Variants in REPS2 observed in about 807,000 individuals in gnomAD.
The protein encoded by REPS2 is RALBP1 associated Eps domain containing 2.
In REPS2, 23 loss-of-function variants were observed where a neutral mutation model predicts 53.6. The observed-to-expected ratio is 0.43, with a 90% CI of 0.31 to 0.61. The LOEUF is 0.61. REPS2 is among the 20% of genes least tolerant of loss of function. The pLI is 0.11. For synonymous variants in REPS2, 238 were observed against 218.6 expected (o/e 1.09, Z -0.78); for missense variants, 446 against 534.9 (o/e 0.83, Z 1.64).
chrX:17,130,899 T>C (rs771210769), intron 14 of REPS2, among the ~76,000 whole-genome samples: 9 of 112,180 alleles, frequency 8.0e-5, no homozygotes, highest in African/African-American at 2.9e-4. Context: ...GCTGTGATGA[T>C]GAATTGCAAT....
chrX:17,003,106 C>T (rs1430672293), intron 1 of REPS2, among the ~76,000 whole-genome samples: 1 of 111,420 alleles, frequency 9.0e-6, no homozygotes, highest in Non-Finnish European at 1.9e-5. Context: ...TAAGAATATA[C>T]CCTCGCTTTC....
intron 10 of REPS2, among the ~76,000 whole-genome samples, chrX:17,069,466 A>G (rs2062274016): frequency 1.8e-5 from 2 of 112,349 alleles, no homozygotes; most frequent in Non-Finnish European, 3.8e-5. Context: ...TTCTCTATTT[A>G]AATACTTGCT....
intron 1 of REPS2, among the ~76,000 whole-genome samples, chrX:16,963,249 T>C (rs2147644657): frequency 8.9e-6 from 1 of 112,762 alleles, no homozygotes; most frequent in East Asian, 2.8e-4. Context: ...TAAGGCTCTA[T>C]TGAGCAAACC....
In REPS2 at chrX:17,006,346, T is replaced by C; in HGVS notation, c.397+2T>C. ...TACGGATAGAGAGTATTAAATGTGG[T>C]GAGTATCTCACATTTGTATGTTTTA... On this transcript the variant is annotated splice_donor_variant, in intron 2 of 17. Coordinates refer to ENST00000357277, the MANE Select transcript of REPS2 (RefSeq NM_004726.3). LOFTEE classifies it high-confidence loss of function. 8.3e-7 allele frequency: 1 copy of C among 1,206,557 alleles called. No homozygotes were observed. The highest frequency in any genetic ancestry group is 1.1e-6 in the Non-Finnish European group (1 of 891,423).
At chrX:16,959,104 T>C (rs2060630077) in intron 1 of REPS2, among the ~76,000 whole-genome samples, 1 of 111,986 alleles carries the variant, frequency 8.9e-6, no homozygotes, top group Non-Finnish European at 1.9e-5. Context: ...GTGTGTATAC[T>C]TTTATTTATT....
intron 5 of REPS2, among the ~76,000 whole-genome samples, chrX:17,042,331 C>T (rs2061841343): frequency 1.8e-5 from 2 of 111,606 alleles, no homozygotes; most frequent in South Asian, 7.4e-4. Context: ...AAAGCTAAGG[C>T]TCCACAGCTT....
At chrX:17,144,412 G>A (rs934696147) in intron 17 of REPS2, among the ~76,000 whole-genome samples, 1 of 112,640 alleles carries the variant, frequency 8.9e-6, no homozygotes, top group East Asian at 2.8e-4. Flanking sequence ...CTCCCCTTAT[G>A]TACTCCCACT....
intron 1 of REPS2, among the ~76,000 whole-genome samples, chrX:16,968,476 AC>A (rs1370257115): frequency 2.7e-4 from 11 of 41,219 alleles, no homozygotes; most frequent in African/African-American, 8.8e-4. Context: ...GGGGGCTGAC[AC>A]CCCCACCTCC....
At chrX:17,030,520 G>A (rs762943726) in intron 5 of REPS2, among the ~76,000 whole-genome samples, 23 of 111,815 alleles carry the variant, frequency 2.1e-4, no homozygotes, top group African/African-American at 6.8e-4. Flanking sequence ...GTTGGAATAG[G>A]ATAAACAAAG....
At chrX:17,003,254 C>T (rs2061327268) in intron 1 of REPS2, among the ~76,000 whole-genome samples, 1 of 111,651 alleles carries the variant, frequency 9.0e-6, no homozygotes, top group South Asian at 3.7e-4. Flanking sequence ...AGAGAACATG[C>T]CATGTGGAAT....
intron 13 of REPS2, among the ~76,000 whole-genome samples, chrX:17,078,765 T>G (rs1352059791): frequency 8.9e-6 from 1 of 112,476 alleles, no homozygotes; most frequent in African/African-American, 3.2e-5. Flanking sequence ...CCAGCTGTAC[T>G]GGAGAATTCA....
At chrX:17,117,776 C>T (rs1396942257) in intron 14 of REPS2, among the ~76,000 whole-genome samples, 4 of 109,213 alleles carry the variant, frequency 3.7e-5, no homozygotes, top group South Asian at 4.0e-4. Flanking sequence ...TTATAATCCT[C>T]TGGGTATATA....
At chrX:16,960,982 T>G (rs2147634914) in intron 1 of REPS2, among the ~76,000 whole-genome samples, 1 of 112,645 alleles carries the variant, frequency 8.9e-6, no homozygotes, top group Admixed American at 9.4e-5. Flanking sequence ...TATGCCATGT[T>G]TATGCATTGG....
intron 2 of REPS2, among the ~76,000 whole-genome samples, chrX:17,013,250 G>T (rs2061450840): frequency 8.9e-6 from 1 of 111,992 alleles, no homozygotes; most frequent in Admixed American, 9.5e-5. Flanking sequence ...GACTGAGAAA[G>T]CCTTCTGTAA....
At chrX:16,955,745 G>A (rs2066029845) in intron 1 of REPS2, among the ~76,000 whole-genome samples, 1 of 111,717 alleles carries the variant, frequency 9.0e-6, no homozygotes, top group African/African-American at 3.3e-5. Flanking sequence ...CAAGTCACAG[G>A]TTTTGTCTGC....
At chrX:16,966,655 A>ACATTTTGGAG (rs1209514174) in intron 1 of REPS2, among the ~76,000 whole-genome samples, 1 of 112,092 alleles carries the variant, frequency 8.9e-6, no homozygotes, top group Admixed American at 9.5e-5. Context: ...AGAAACTTTC[A>ACATTTTGGAG]CATTTTGGAG....
chrX:16,997,350 C>T (rs987634202), intron 1 of REPS2, among the ~76,000 whole-genome samples: 8 of 112,362 alleles, frequency 7.1e-5, no homozygotes, highest in Non-Finnish European at 1.5e-4. Flanking sequence ...TTCTTACTGC[C>T]GAGTCTACTG....
rs11797250 is a variant in REPS2, at chrX:17,149,359, G to A, written c.*1878G>A. ...CTTGCTCTGTCGCCCAGGCTGGAGC[G>A]CAGTGGCGCAATCTCGGCTCACTGC... On this transcript the variant is annotated 3_prime_UTR_variant, in exon 18 of 18. Transcript: ENST00000357277. 3.2e-3 allele frequency: 403 copies of A among 127,021 alleles called. 2 individuals carry two copies. Among genetic ancestry groups the A allele is most frequent in the African/African-American group, 0.011 (335 of 31,164 alleles). 10.5% of individuals were successfully genotyped at this position (127,021 alleles called of 1,213,427 possible). A position where few individuals can be genotyped will look rare whatever the true frequency, so the allele number is the denominator to read the frequency against.
At chrX:17,113,535 T>A (rs1391826031) in intron 14 of REPS2, among the ~76,000 whole-genome samples, 1 of 111,662 alleles carries the variant, frequency 9.0e-6, no homozygotes, top group Non-Finnish European at 1.9e-5. Context: ...TACTCATATC[T>A]CTAGATTCAT....
Sources: gnomAD v4.1 joint callset for allele counts (sites outside exome capture counted in the v4.1 genomes callset) on GRCh38, gnomAD v4.1.1 for gene constraint, MANE v1.5 for transcripts, NCBI Gene and HGNC (gene_info 2026-07-23, HGNC 2026-07-21) for gene names.